Variants in GAREM1 observed in about 807,000 individuals in gnomAD.
The protein encoded by GAREM1 is GRB2 associated regulator of MAPK1 subtype 1.
In GAREM1, 26 loss-of-function variants were observed where a neutral mutation model predicts 71.3. The observed-to-expected ratio is 0.36, with a 90% CI of 0.27 to 0.51. The LOEUF is 0.51. GAREM1 is among the 20% of genes least tolerant of loss of function. The pLI is 0.95. For missense variants in GAREM1, 1,026 were observed against 1,103.1 expected (o/e 0.93, Z 0.99); for synonymous variants, 440 against 433.2 (o/e 1.02, Z -0.20).
chr18:32,421,213 G>C (rs960358370), intron 1 of GAREM1, among the ~76,000 whole-genome samples: 7 of 152,184 alleles, frequency 4.6e-5, no homozygotes, highest in African/African-American at 1.7e-4. Flanking sequence ...TACTTTGTAA[G>C]GTTGTAGGCT....
At chr18:32,396,317 G>A (rs1434220090) in intron 1 of GAREM1, among the ~76,000 whole-genome samples, 1 of 152,112 alleles carries the variant, frequency 6.6e-6, no homozygotes, top group Non-Finnish European at 1.5e-5. Flanking sequence ...GACGAAGAAT[G>A]ACTTTGAAGA....
At chr18:32,345,457 T>G (rs138215911) in intron 2 of GAREM1, among the ~76,000 whole-genome samples, 73 of 152,326 alleles carry the variant, frequency 4.8e-4, no homozygotes, top group African/African-American at 1.6e-3. Context: ...AACCTTATGA[T>G]ATAAATTAGA....
At chr18:32,337,651 A>G (rs1256344980) in intron 2 of GAREM1, among the ~76,000 whole-genome samples, 1 of 152,206 alleles carries the variant, frequency 6.6e-6, no homozygotes, top group African/African-American at 2.4e-5. Context: ...ACCACATTTG[A>G]TATGACAATG....
chr18:32,330,150 T>C (rs2047517531), intron 2 of GAREM1, among the ~76,000 whole-genome samples: 1 of 152,136 alleles, frequency 6.6e-6, no homozygotes, highest in Non-Finnish European at 1.5e-5. Context: ...ATGTGGTACA[T>C]ATATACCACA....
intron 2 of GAREM1, among the ~76,000 whole-genome samples, chr18:32,377,100 G>A (rs188050871): frequency 6.6e-6 from 1 of 152,268 alleles, no homozygotes; most frequent in East Asian, 1.9e-4. Context: ...AGACCACACG[G>A]CCACTAAGGA....
chr18:32,393,452 C>T (rs116567344), intron 1 of GAREM1, among the ~76,000 whole-genome samples: 201 of 152,072 alleles, frequency 1.3e-3, no homozygotes, highest in African/African-American at 4.7e-3. Flanking sequence ...TGAGAAAAAT[C>T]AAAGTTTGAA....
Position 32,265,705 on chromosome 18 carries a change from A to T in GAREM1, c.*2166T>A, listed in dbSNP as rs1197208033. 2.0e-5 allele frequency: 3 copies of T among 151,932 alleles called. No individual in the cohort carries two copies. 9.4% of individuals were successfully genotyped at this position (151,932 alleles called of 1,614,324 possible). Reference sequence around the variant, plus strand: ...TTTTGTGTAAAGTTTTTACAAAAAGAAAAAAAACGCTAAAAGGAGTCAGTT... The same window carrying T: ...TTTTGTGTAAAGTTTTTACAAAAAGTAAAAAAACGCTAAAAGGAGTCAGTT... On this transcript the variant is annotated 3_prime_UTR_variant, in exon 6 of 6. Coordinates refer to ENST00000269209, the MANE Select transcript of GAREM1 (RefSeq NM_001242409.2).
chr18:32,440,182 T>C (rs1265558053), intron 1 of GAREM1, among the ~76,000 whole-genome samples: 1 of 152,224 alleles, frequency 6.6e-6, no homozygotes, highest in African/African-American at 2.4e-5. Context: ...TCCACAGATA[T>C]TAACTCATTA....
At chr18:32,468,923 A>G (rs1414319678) in intron 1 of GAREM1, among the ~76,000 whole-genome samples, 1 of 133,534 alleles carries the variant, frequency 7.5e-6, no homozygotes, top group African/African-American at 2.8e-5. Context: ...TCCCACCCCC[A>G]CTCGAAGCAG....
In GAREM1 at chr18:32,274,958, C is replaced by CAA. The variant is rs60198341; in HGVS notation, c.1567-4577_1567-4576dup. On this transcript the variant is annotated intron_variant, in intron 4 of 5. Coordinates refer to ENST00000269209, the MANE Select transcript of GAREM1 (RefSeq NM_001242409.2). Reference sequence around the variant, plus strand: ...GTGTTAAGAAATGTCACAAAAAATACAAAAAAAAAAAAAGGCACTTAAAAA... The same window carrying CAA: ...GTGTTAAGAAATGTCACAAAAAATACAAAAAAAAAAAAAAAGGCACTTAAAAA... 1.0e-3 allele frequency among the ~76,000 whole-genome samples: 116 copies of CAA among 113,210 alleles called. No individual in the cohort carries two copies. In the Middle Eastern group the frequency reaches 0.014, roughly 13 times the overall value. 74.3% of individuals were successfully genotyped at this position (113,210 alleles called of 152,430 possible).
chr18:32,296,535 G>T (rs1368026495), intron 3 of GAREM1, among the ~76,000 whole-genome samples: 1 of 152,092 alleles, frequency 6.6e-6, no homozygotes, highest in Non-Finnish European at 1.5e-5. Flanking sequence ...GAATTTCTTG[G>T]CCTTGTTTCT....
Position 32,287,190 on chromosome 18 carries a change from A to C in GAREM1, c.1407T>G (p.Thr469=), listed in dbSNP as rs148148738. 4.3e-6 allele frequency: 7 copies of C among 1,614,238 alleles called. No homozygotes were observed. In the African/African-American group the frequency reaches 9.3e-5, roughly 22 times the overall value. The change falls in exon 4 of 6, where the codon ACT becomes ACG. Residue 469 remains threonine (T), a synonymous_variant. Transcript: ENST00000269209. The surrounding 1 kb of genome is among the most constrained non-coding windows in gnomAD (Gnocchi z 5.9). The part of the protein sequence containing the change: ...EEGKPSHQPL[T]RSLSEKNRCD... ...ATCTGTTCTTCTCGCTCAGAGAGCG[A>C]GTGAGAGGCTGATGGCTGGGCTTGC...
intron 1 of GAREM1, among the ~76,000 whole-genome samples, chr18:32,465,210 T>G (rs2048988150): frequency 6.6e-6 from 1 of 151,558 alleles, no homozygotes; most frequent in South Asian, 2.1e-4. Flanking sequence ...ACACCGAACA[T>G]CTTCCAAGAG....
chr18:32,301,716 T>C (rs562719717), intron 3 of GAREM1, among the ~76,000 whole-genome samples: 2 of 152,330 alleles, frequency 1.3e-5, no homozygotes, highest in East Asian at 3.9e-4. Context: ...ACCCGGGACC[T>C]TCCCTTTGTT....
intron 3 of GAREM1, among the ~76,000 whole-genome samples, chr18:32,294,276 G>A (rs758515359): frequency 1.3e-5 from 2 of 152,146 alleles, no homozygotes; most frequent in Non-Finnish European, 2.9e-5. Flanking sequence ...AAAAAGATAC[G>A]TTATATTACG....
At chr18:32,446,223 AGTGT>A (rs10587223) in intron 1 of GAREM1, among the ~76,000 whole-genome samples, 12,026 of 143,330 alleles carry the variant, frequency 0.084, 541 homozygotes, top group South Asian at 0.11. Flanking sequence ...AGTTCCCCAT[AGTGT>A]GTGTGTGTGT....
chr18:32,306,035 A>G (rs2047252488), intron 3 of GAREM1, among the ~76,000 whole-genome samples: 1 of 152,082 alleles, frequency 6.6e-6, no homozygotes, highest in Non-Finnish European at 1.5e-5. Flanking sequence ...ACCTTGACTA[A>G]ACTCTAGGAC....
chr18:32,405,488 G>A (rs554314596), intron 1 of GAREM1, among the ~76,000 whole-genome samples: 1 of 152,186 alleles, frequency 6.6e-6, no homozygotes, highest in African/African-American at 2.4e-5. Flanking sequence ...TTGGGCCACC[G>A]AGCCCGGCCT....
At chr18:32,438,857 G>A (rs914842846) in intron 1 of GAREM1, among the ~76,000 whole-genome samples, 10 of 152,118 alleles carry the variant, frequency 6.6e-5, no homozygotes, top group African/African-American at 1.4e-4. Flanking sequence ...TGAAGGCACC[G>A]TGTCTCCTAA....
Sources: gnomAD v4.1 joint callset for allele counts (sites outside exome capture counted in the v4.1 genomes callset) on GRCh38, gnomAD v4.1.1 for gene constraint, Gnocchi (gnomAD v3.1) non-coding constraint, MANE v1.5 for transcripts, NCBI Gene and HGNC (gene_info 2026-07-23, HGNC 2026-07-21) for gene names.